The following TEAD1 variants were observed in gnomAD, a reference collection of about 807,000 sequenced individuals.
TEAD1 encodes the protein TEA domain transcription factor 1, also known as transcriptional enhancer factor TEF-1.
A neutral mutation model predicts 54.9 loss-of-function variants in TEAD1; 9 were observed. The ratio of observed to expected loss-of-function variants is 0.16; its 90% CI spans 0.10 to 0.29. The LOEUF (loss-of-function observed/expected upper bound fraction) is 0.29. Among genes scored for constraint, TEAD1 ranks in the 10% least tolerant of loss-of-function variants. The probability of loss-of-function intolerance (pLI) is 1.00; values close to 1 mark genes in which losing one functional copy is unlikely to be tolerated. For missense variants in TEAD1, 387 were observed against 535.9 expected (o/e 0.72, Z 2.74); for synonymous variants, 200 against 187.8 (o/e 1.07, Z -0.53).
chr11:12,682,705 C>A lies in TEAD1; in HGVS notation c.-55+7144C>A, dbSNP rs186907260. Among the ~76,000 whole-genome samples the A allele has an allele frequency of 7.9e-5, 12 of 152,234 alleles. No homozygotes were observed. In the East Asian group the frequency reaches 2.1e-3, roughly 27 times the overall value. On this transcript the variant is annotated intron_variant, in intron 2 of 12. Transcript: ENST00000527636. ...CTGAGCGTTTAAACATTTATGGGTGCTACTGTGTGCCAGGGATTTAGTAAT... is the reference window on the plus strand; with the variant it reads ...CTGAGCGTTTAAACATTTATGGGTGATACTGTGTGCCAGGGATTTAGTAAT...
At chr11:12,690,872 C>T (rs1250887238) in intron 2 of TEAD1, among the ~76,000 whole-genome samples, 1 of 152,190 alleles carries the variant, frequency 6.6e-6, no homozygotes, top group East Asian at 1.9e-4. Context: ...ATCCTCTGAC[C>T]TCAGCCTCCT....
intron 3 of TEAD1, among the ~76,000 whole-genome samples, chr11:12,843,503 T>C (rs1446742324): frequency 6.6e-6 from 1 of 152,228 alleles, no homozygotes; most frequent in Non-Finnish European, 1.5e-5. Flanking sequence ...AATATAGCTT[T>C]GTTGTGGTTT....
At chr11:12,882,342 TAC>T (rs1048289602) in intron 8 of TEAD1, among the ~76,000 whole-genome samples, 24 of 152,288 alleles carry the variant, frequency 1.6e-4, no homozygotes, top group Admixed American at 1.3e-3. Flanking sequence ...TCGGTCCTGC[TAC>T]CTTTCTTTAA....
In TEAD1 at chr11:12,882,857, G is replaced by C. The variant is rs997857639; in HGVS notation, c.575-144G>C. On this transcript the variant is annotated intron_variant, in intron 8 of 12. Coordinates refer to ENST00000527636, the MANE Select transcript of TEAD1 (RefSeq NM_021961.6). ...CTGGGGCCCTCTGCCAGCATCTGTC[G>C]TCTGAGTTATCCTGGCCAGAGCCGG... is the stretch of plus-strand genomic sequence containing the variant. 5.7e-6 allele frequency: 7 copies of C among 1,221,416 alleles called. No individual in the cohort carries two copies. The African/African-American group carries it at 7.5e-5, about 13-fold the overall frequency. The allele number at this position is 1,221,416 out of a possible 1,614,324, so 75.7% of individuals were successfully genotyped here.
chr11:12,851,938 G>A (rs1283692256), intron 3 of TEAD1, among the ~76,000 whole-genome samples: 2 of 152,172 alleles, frequency 1.3e-5, no homozygotes, highest in Admixed American at 1.3e-4. Context: ...ATAAGTAATG[G>A]CAGTGCAGCA....
intron 2 of TEAD1, among the ~76,000 whole-genome samples, chr11:12,687,184 T>A (rs1348057306): frequency 6.6e-6 from 1 of 152,224 alleles, no homozygotes; most frequent in Non-Finnish European, 1.5e-5. Context: ...CTCTTGCCCC[T>A]CTAGCTGTTT....
intron 3 of TEAD1, among the ~76,000 whole-genome samples, chr11:12,771,062 A>G (rs1245336469): frequency 6.6e-6 from 1 of 152,236 alleles, no homozygotes; most frequent in Non-Finnish European, 1.5e-5. Flanking sequence ...CAAGTTCTGG[A>G]GCACAGGTTC....
At chr11:12,778,954 T>C (rs1346118174) in intron 3 of TEAD1, among the ~76,000 whole-genome samples, 1 of 152,200 alleles carries the variant, frequency 6.6e-6, no homozygotes, top group Non-Finnish European at 1.5e-5. Context: ...CATAACCATA[T>C]TGATCTTACA....
chr11:12,927,122 G>A (rs543174925), intron 11 of TEAD1, among the ~76,000 whole-genome samples: 3 of 152,338 alleles, frequency 2.0e-5, no homozygotes, highest in African/African-American at 7.2e-5. Context: ...CAGGGAGCAG[G>A]GAAAGGTTGC....
chr11:12,814,777 CTGTGTGTGTGTGTGTGTGTGTGTGTGTG>C (rs397842274), intron 3 of TEAD1, among the ~76,000 whole-genome samples: 28 of 106,232 alleles, frequency 2.6e-4, no homozygotes, highest in African/African-American at 6.1e-4. Flanking sequence ...TCGCAGAGCT[CTGTGTGTGTGTGTGTGTGTGTGTGTGTG>C]TGTGTGTGTG....
At chr11:12,882,502 T>C (rs1355083191) in intron 8 of TEAD1, among the ~76,000 whole-genome samples, 2 of 152,196 alleles carry the variant, frequency 1.3e-5, no homozygotes, top group Non-Finnish European at 2.9e-5. Flanking sequence ...TAAAAGTCAC[T>C]GCTCTCCCTT....
chr11:12,913,130 G>T (rs530812989), intron 10 of TEAD1, among the ~76,000 whole-genome samples: 30 of 152,284 alleles, frequency 2.0e-4, no homozygotes, highest in African/African-American at 6.0e-4. Flanking sequence ...GCAAGGCGTA[G>T]TTGGATTAAC....
At chr11:12,706,276 G>A (rs1943812539) in intron 2 of TEAD1, among the ~76,000 whole-genome samples, 1 of 152,258 alleles carries the variant, frequency 6.6e-6, no homozygotes, top group South Asian at 2.1e-4. Flanking sequence ...AGTATTTCCT[G>A]ATAAGAAATA....
chr11:12,935,051 A>G (rs1463465561), intron 12 of TEAD1, among the ~76,000 whole-genome samples: 2 of 152,134 alleles, frequency 1.3e-5, no homozygotes, highest in African/African-American at 2.4e-5. Context: ...CTGGGGTGCT[A>G]TGGTGAATTA....
chr11:12,717,224 G>C (rs1944084734), intron 2 of TEAD1, among the ~76,000 whole-genome samples: 1 of 152,212 alleles, frequency 6.6e-6, no homozygotes, highest in Non-Finnish European at 1.5e-5. Context: ...GTATGCCTCT[G>C]GTATGCTACT....
intron 9 of TEAD1, among the ~76,000 whole-genome samples, chr11:12,884,900 G>C (rs1948055525): frequency 6.6e-6 from 1 of 152,176 alleles, no homozygotes; most frequent in Non-Finnish European, 1.5e-5. Context: ...TTCTTTCTGG[G>C]AAGCATACAT....
At position 12,821,961 on chromosome 11, in the gene TEAD1, C is replaced by CTTTTTTTTTTT. The variant is rs10700151; in HGVS notation, c.203-40279_203-40269dup. ...TACTCTCTCTCCTTTTTCTCTTTTC[C>CTTTTTTTTTTT]TTTTTTTTTTTTTTTTTTTTGAGAC... is the stretch of plus-strand genomic sequence containing the variant. On this transcript the variant is annotated intron_variant, in intron 3 of 12. Coordinates refer to ENST00000527636, the MANE Select transcript of TEAD1 (RefSeq NM_021961.6). 7.7e-3 allele frequency among the ~76,000 whole-genome samples: 523 copies of CTTTTTTTTTTT among 68,050 alleles called. 80 individuals are homozygous for CTTTTTTTTTTT. Among genetic ancestry groups the CTTTTTTTTTTT allele is most frequent in the African/African-American group, 0.016 (250 of 15,836 alleles). The allele number at this position is 68,050 out of a possible 152,430, so 44.6% of individuals were successfully genotyped here. A position where few individuals can be genotyped will look rare whatever the true frequency, so the allele number is the denominator to read the frequency against.
intron 9 of TEAD1, among the ~76,000 whole-genome samples, chr11:12,884,371 C>T (rs1267676540): frequency 2.6e-5 from 4 of 152,200 alleles, no homozygotes; most frequent in African/African-American, 9.6e-5. Flanking sequence ...TCACCCCATC[C>T]TTCCCATCTC....
intron 3 of TEAD1, among the ~76,000 whole-genome samples, chr11:12,806,112 T>A (rs1480566275): frequency 6.6e-6 from 1 of 152,172 alleles, no homozygotes; most frequent in Non-Finnish European, 1.5e-5. Flanking sequence ...TAAAGGAAAA[T>A]TCGAGTTAAT....
Sources: gnomAD v4.1 joint callset for allele counts (sites outside exome capture counted in the v4.1 genomes callset) on GRCh38, gnomAD v4.1.1 for gene constraint, MANE v1.5 for transcripts, NCBI Gene and HGNC (gene_info 2026-07-23, HGNC 2026-07-21) for gene names.